Variants in ZNF740 observed in about 807,000 individuals in gnomAD.
ZNF740 encodes the protein zinc finger protein 740.
ZNF740 carries 14 observed loss-of-function variants against 24.8 expected under a neutral mutation model. That is an observed-to-expected ratio of 0.56 (90% CI 0.37 to 0.88). The LOEUF (loss-of-function observed/expected upper bound fraction) is 0.88, where lower values mean the gene tolerates loss of function less well. ZNF740 is among the 40% of genes least tolerant of loss of function. ZNF740 has a pLI of 0.00. For missense variants in ZNF740, 201 were observed against 247.9 expected (o/e 0.81, Z 1.27); for synonymous variants, 69 against 84.0 (o/e 0.82, Z 0.98).
chr12:53,183,554 T>C (rs2121528351), intron 2 of ZNF740, among the ~76,000 whole-genome samples: 1 of 152,314 alleles, frequency 6.6e-6, no homozygotes, highest in African/African-American at 2.4e-5. Flanking sequence ...GTTTGAAGAA[T>C]GTAGCAGTTT....
chr12:53,187,741 A>G lies in ZNF740; in HGVS notation c.*151A>G. 1 of 628,820 alleles carries G rather than the reference A, an allele frequency of 1.6e-6. No individual in the cohort carries two copies. Among genetic ancestry groups the G allele is most frequent in the Non-Finnish European group, 2.8e-6 (1 of 350,902 alleles). The allele number at this position is 628,820 out of a possible 1,614,324, so 39.0% of individuals were successfully genotyped here. A position where few individuals can be genotyped will look rare whatever the true frequency, so the allele number is the denominator to read the frequency against. On this transcript the variant is annotated 3_prime_UTR_variant, in exon 7 of 7. Transcript: ENST00000416904. ...AGACCAGAAGAGTGCATCAGGGGACAGTGGCCCCAGAACCTCAGCTCTGTA... is the reference window on the plus strand; with the variant it reads ...AGACCAGAAGAGTGCATCAGGGGACGGTGGCCCCAGAACCTCAGCTCTGTA...
chr12:53,187,787 A>ATAG lies in ZNF740; in HGVS notation c.*198_*199insAGT. On this transcript the variant is annotated 3_prime_UTR_variant, in exon 7 of 7. Coordinates refer to ENST00000416904, the MANE Select transcript of ZNF740 (RefSeq NM_001004304.4). The stretch of plus-strand genomic sequence containing the variant: ...CTGTAAATAATCTGAGACTATGAGT[A>ATAG]TCTCGGGGAAGTTCTTACAGCATTC... The ATAG allele has an allele frequency of 1.8e-6, 1 of 566,226 alleles. No homozygotes were observed. Among genetic ancestry groups the ATAG allele is most frequent in the Non-Finnish European group, 3.2e-6 (1 of 314,746 alleles). 35.1% of individuals were successfully genotyped at this position (566,226 alleles called of 1,614,324 possible).
Position 53,193,434 on chromosome 12 carries a change from A to G in ZNF740, c.*5844A>G, listed in dbSNP as rs547971187. ...CACCCCTGACTTGTCTCTCCCAGGA[A>G]CCTCTAAACCCAAGTTCTCAAAAGA... On this transcript the variant is annotated 3_prime_UTR_variant, in exon 7 of 7. Coordinates refer to ENST00000416904, the MANE Select transcript of ZNF740 (RefSeq NM_001004304.4). 1.8e-6 allele frequency: 2 copies of G among 1,134,046 alleles called. No individual in the cohort carries two copies. The highest frequency in any genetic ancestry group is 1.6e-5 in the South Asian group (1 of 60,936). 70.2% of individuals were successfully genotyped at this position (1,134,046 alleles called of 1,614,324 possible).
rs1941939372 is a variant in ZNF740, at chr12:53,191,468, A to G, written c.*3878A>G. 2.9e-6 allele frequency: 3 copies of G among 1,029,982 alleles called. No homozygotes were observed. Among genetic ancestry groups the G allele is most frequent in the South Asian group, 2.5e-5 (2 of 79,126 alleles). 63.8% of individuals were successfully genotyped at this position (1,029,982 alleles called of 1,614,324 possible). ...CTCGCCAGTGAATTAGTCCCCTACC[A>G]AGGTCTTACAGACCCACCCTTCCTC... On this transcript the variant is annotated 3_prime_UTR_variant, in exon 7 of 7. Transcript: ENST00000416904.
At position 53,181,692 on chromosome 12, in the gene ZNF740, C is replaced by G; in HGVS notation, c.-292C>G. The G allele has an allele frequency of 2.2e-6, 1 of 446,948 alleles. No homozygotes were observed. Among genetic ancestry groups the G allele is most frequent in the Non-Finnish European group, 3.7e-6 (1 of 269,348 alleles). The allele number at this position is 446,948 out of a possible 1,614,324, so 27.7% of individuals were successfully genotyped here. On this transcript the variant is annotated 5_prime_UTR_variant, in exon 2 of 7. The change creates a new upstream start codon in the 5' untranslated region. Transcript: ENST00000416904. Reference sequence around the variant, plus strand: ...CTGGTTTCAGGTTTCTGAAACAGATCGTGAGCTTCATCAAGAGAATTCAAC... The same window carrying G: ...CTGGTTTCAGGTTTCTGAAACAGATGGTGAGCTTCATCAAGAGAATTCAAC...
intron 5 of ZNF740, 134 bp downstream of exon 5, chr12:53,186,211 A>G: frequency 7.7e-7 from 1 of 1,301,546 alleles, no homozygotes; most frequent in Non-Finnish European, 1.0e-6. Flanking sequence ...TCAATGAAGC[A>G]GAGAGATTGC....
At chr12:53,182,693 G>A (rs963863897) in intron 2 of ZNF740, among the ~76,000 whole-genome samples, 4 of 152,156 alleles carry the variant, frequency 2.6e-5, no homozygotes, top group Non-Finnish European at 5.9e-5. Flanking sequence ...AATGTGATGA[G>A]GTTCCGAGTA....
At chr12:53,182,025 C>T in intron 2 of ZNF740, 33 bp downstream of exon 2, 1 of 1,602,118 alleles carries the variant, frequency 6.2e-7, no homozygotes, top group African/African-American at 1.3e-5. Flanking sequence ...TCCAAGATAA[C>T]TGGGAAGCCT....
rs1216978927 is a variant in ZNF740, at chr12:53,193,352, C to T, written c.*5762C>T. ...GCACTCACAGAGCCGACCTAGGCGGCCAGGGGCACAGCTGGAAGGGGAAGG... is the reference window on the plus strand; with the variant it reads ...GCACTCACAGAGCCGACCTAGGCGGTCAGGGGCACAGCTGGAAGGGGAAGG... On this transcript the variant is annotated 3_prime_UTR_variant, in exon 7 of 7. Transcript: ENST00000416904. 1.3e-6 allele frequency: 2 copies of T among 1,583,942 alleles called. No homozygotes were observed. The highest frequency in any genetic ancestry group is 1.7e-6 in the Non-Finnish European group (2 of 1,161,058).
Position 53,181,861 on chromosome 12 carries a change from C to T in ZNF740, c.-123C>T. The T allele has an allele frequency of 8.0e-7, 1 of 1,253,686 alleles. No homozygotes were observed. Among genetic ancestry groups the T allele is most frequent in the Non-Finnish European group, 1.1e-6 (1 of 884,454 alleles). The allele number at this position is 1,253,686 out of a possible 1,614,324, so 77.7% of individuals were successfully genotyped here. ...GACAAAGTTCAATATGGCAACAGGA[C>T]TGATGGGACACGAAGGAGTCGCTAC... On this transcript the variant is annotated 5_prime_UTR_variant, in exon 2 of 7. Coordinates refer to ENST00000416904, the MANE Select transcript of ZNF740 (RefSeq NM_001004304.4).
chr12:53,194,264 A>T lies in ZNF740; in HGVS notation c.*6674A>T, dbSNP rs1460929160. ...CAGCCTTACCCTCCCTCTTCTCAGGACCCTCACACTGGGATTCGTAAGAAA... is the reference window on the plus strand; with the variant it reads ...CAGCCTTACCCTCCCTCTTCTCAGGTCCCTCACACTGGGATTCGTAAGAAA... On this transcript the variant is annotated 3_prime_UTR_variant, in exon 7 of 7. Coordinates refer to ENST00000416904, the MANE Select transcript of ZNF740 (RefSeq NM_001004304.4). 6.2e-7 allele frequency: 1 copy of T among 1,613,684 alleles called. No individual in the cohort carries two copies. Among genetic ancestry groups the T allele is most frequent in the South Asian group, 1.1e-5 (1 of 91,062 alleles).
In ZNF740 at chr12:53,189,229, A is replaced by G. The variant is rs1265782096; in HGVS notation, c.*1639A>G. 6.6e-6 allele frequency: 1 copy of G among 152,156 alleles called. No homozygotes were observed. Among genetic ancestry groups the G allele is most frequent in the African/African-American group, 2.4e-5 (1 of 41,430 alleles). 9.4% of individuals were successfully genotyped at this position (152,156 alleles called of 1,614,324 possible). On this transcript the variant is annotated 3_prime_UTR_variant, in exon 7 of 7. Transcript: ENST00000416904. ...TAAACCTTTTCTTTCTGCTAAAGAA[A>G]GAATCCTTATGGGAAGTTTTGGGGT...
rs1384208630 is a variant in ZNF740 at position 53,192,465 on chromosome 12, T to C, written c.*4875T>C. On this transcript the variant is annotated 3_prime_UTR_variant, in exon 7 of 7. Transcript: ENST00000416904. Reference sequence around the variant, plus strand: ...ATAGGGGCCAAGGCCAGGGTCACATTGGTATGGGCACAAGCTGTACTGCAG... The same window carrying C: ...ATAGGGGCCAAGGCCAGGGTCACATCGGTATGGGCACAAGCTGTACTGCAG... The C allele has an allele frequency of 6.2e-7, 1 of 1,614,130 alleles. No individual in the cohort carries two copies. Among genetic ancestry groups the C allele is most frequent in the Non-Finnish European group, 8.5e-7 (1 of 1,180,032 alleles).
rs78312778 is a variant in ZNF740 at position 53,194,048 on chromosome 12, C to T, written c.*6458C>T. ...ACTCCTAGAAACATGCCTGAGGAAGCCACTCAGACTGCTCCAGGAAGGATG... is the reference window on the plus strand; with the variant it reads ...ACTCCTAGAAACATGCCTGAGGAAGTCACTCAGACTGCTCCAGGAAGGATG... On this transcript the variant is annotated 3_prime_UTR_variant, in exon 7 of 7. Coordinates refer to ENST00000416904, the MANE Select transcript of ZNF740 (RefSeq NM_001004304.4). The T allele has an allele frequency of 1.6e-4, 219 of 1,328,504 alleles. No homozygotes were observed. The African/African-American group carries it at 2.9e-3, about 18-fold the overall frequency. 82.3% of individuals were successfully genotyped at this position (1,328,504 alleles called of 1,614,324 possible). A position where few individuals can be genotyped will look rare whatever the true frequency, so the allele number is the denominator to read the frequency against.
intron 2 of ZNF740, among the ~76,000 whole-genome samples, chr12:53,183,829 G>C (rs1941756685): frequency 6.6e-6 from 1 of 152,010 alleles, no homozygotes; most frequent in South Asian, 2.1e-4. Context: ...TTCCACACCA[G>C]CCTAGGCAAC....
At chr12:53,181,655 C>T in intron 1 of ZNF740, 22 bp from the exon 2 acceptor site, 1 of 433,208 alleles carries the variant, frequency 2.3e-6, no homozygotes. Flanking sequence ...TTAGCAGCCC[C>T]CCTCTTCCTT....
chr12:53,192,875 G>A lies in ZNF740; in HGVS notation c.*5285G>A, dbSNP rs1321509590. Reference sequence around the variant, plus strand: ...CATGCTCTGCCCGTGCGGTTGGCATGACAGTGACATACTCCACATTGGCAG... The same window carrying A: ...CATGCTCTGCCCGTGCGGTTGGCATAACAGTGACATACTCCACATTGGCAG... On this transcript the variant is annotated 3_prime_UTR_variant, in exon 7 of 7. Coordinates refer to ENST00000416904, the MANE Select transcript of ZNF740 (RefSeq NM_001004304.4). 3 of 1,614,076 alleles carry A rather than the reference G, an allele frequency of 1.9e-6. No homozygotes were observed. Among genetic ancestry groups the A allele is most frequent in the African/African-American group, 1.3e-5 (1 of 74,928 alleles).
In ZNF740 at chr12:53,193,784, A is replaced by G; in HGVS notation, c.*6194A>G. On this transcript the variant is annotated 3_prime_UTR_variant, in exon 7 of 7. Coordinates refer to ENST00000416904, the MANE Select transcript of ZNF740 (RefSeq NM_001004304.4). ...TGGGGCTGGGTGTCACTGCAATTAC[A>G]GTCACACAGCGTGTGCAACTCCACA... 6.2e-7 allele frequency: 1 copy of G among 1,614,104 alleles called. No individual in the cohort carries two copies. The highest frequency in any genetic ancestry group is 1.3e-5 in the African/African-American group (1 of 75,010).
rs144843935 is a variant in ZNF740, at chr12:53,194,743, A to G, written c.*7153A>G. On this transcript the variant is annotated 3_prime_UTR_variant, in exon 7 of 7. Transcript: ENST00000416904. ...TGATACTGTCTCAGATTTTCTTGCC[A>G]TAGGTTTAGGAGATGCTCCCTGTTA... is the stretch of plus-strand genomic sequence containing the variant. The G allele has an allele frequency of 1.0e-3, 191 of 189,414 alleles. No homozygotes were observed. Among genetic ancestry groups the G allele is most frequent in the African/African-American group, 4.1e-3 (177 of 43,204 alleles). The allele number at this position is 189,414 out of a possible 1,614,324, so 11.7% of individuals were successfully genotyped here. A position where few individuals can be genotyped will look rare whatever the true frequency, so the allele number is the denominator to read the frequency against.
Sources: gnomAD v4.1 joint callset for allele counts (sites outside exome capture counted in the v4.1 genomes callset) on GRCh38, gnomAD v4.1.1 for gene constraint, MANE v1.5 for transcripts, NCBI Gene and HGNC (gene_info 2026-07-23, HGNC 2026-07-21) for gene names.